The following COBLL1 variants were observed in gnomAD, a reference collection of about 807,000 sequenced individuals.
COBLL1 encodes cordon-bleu protein-like 1.
COBLL1 carries 50 observed loss-of-function variants against 94.8 expected under a neutral mutation model. That is an observed-to-expected ratio of 0.53 (90% CI 0.42 to 0.67). The LOEUF (loss-of-function observed/expected upper bound fraction) is 0.67. Ranked by LOEUF, COBLL1 falls within the 30% of genes least tolerant of loss-of-function variation. The pLI is 0.00. For missense variants in COBLL1, 1,362 were observed against 1,348.7 expected, an observed-to-expected ratio of 1.01 and a Z score of -0.15; for synonymous variants, 448 against 473.8, an observed-to-expected ratio of 0.95 and a Z score of 0.71.
chr2:164,670,418 AT>A (rs1691225588), intron 1 of COBLL1, among the ~76,000 whole-genome samples: 1 of 152,206 alleles, frequency 6.6e-6, no homozygotes, highest in South Asian at 2.1e-4. Context: ...TTTTCAATCT[AT>A]TCCAAATAAT....
intron 2 of COBLL1, among the ~76,000 whole-genome samples, chr2:164,818,530 T>C (rs549378109): frequency 4.2e-5 from 6 of 144,158 alleles, no homozygotes; most frequent in East Asian, 2.0e-4. Flanking sequence ...ATATACAATA[T>C]ACATATTTAC....
intron 3 of COBLL1, among the ~76,000 whole-genome samples, chr2:164,732,530 C>T (rs1328152443): frequency 6.6e-6 from 1 of 152,130 alleles, no homozygotes; most frequent in Non-Finnish European, 1.5e-5. Flanking sequence ...TAGTTATATA[C>T]TATTATAAAT....
At chr2:164,742,309 C>T (rs1558972234) in intron 3 of COBLL1, among the ~76,000 whole-genome samples, 1 of 151,746 alleles carries the variant, frequency 6.6e-6, no homozygotes, top group Non-Finnish European at 1.5e-5. Flanking sequence ...AAACCAACAT[C>T]ACCTGAAACC....
At chr2:164,785,867 T>G (rs1331796652) in intron 2 of COBLL1, among the ~76,000 whole-genome samples, 1 of 150,842 alleles carries the variant, frequency 6.6e-6, no homozygotes, top group Non-Finnish European at 1.5e-5. Context: ...AGCTGATGTC[T>G]CCTTTGATTC....
intron 2 of COBLL1, among the ~76,000 whole-genome samples, chr2:164,826,292 C>G (rs572214631): frequency 6.6e-6 from 1 of 152,276 alleles, no homozygotes; most frequent in Admixed American, 6.5e-5. Context: ...GTGCCAAGAA[C>G]AAGTTCCCTG....
intron 2 of COBLL1, among the ~76,000 whole-genome samples, chr2:164,768,782 C>T (rs10204250): frequency 0.28 from 43,147 of 151,994 alleles, 6,431 homozygotes; most frequent in East Asian, 0.4. Flanking sequence ...TGACAAACGA[C>T]ATTTCTAAAA....
chr2:164,838,284 CT>C (rs1166505451), intron 2 of COBLL1, among the ~76,000 whole-genome samples: 1 of 152,104 alleles, frequency 6.6e-6, no homozygotes, highest in East Asian at 1.9e-4. Flanking sequence ...CAAACTATCC[CT>C]TTTGATGTTA....
downstream of COBLL1, among the ~76,000 whole-genome samples, chr2:164,677,735 G>A (rs1429698549): frequency 8.5e-5 from 13 of 152,164 alleles, no homozygotes; most frequent in Admixed American, 8.5e-4. Flanking sequence ...CAGAATGCAA[G>A]GAAACCATTC....
intron 2 of COBLL1, among the ~76,000 whole-genome samples, chr2:164,790,960 T>C (rs1303971198): frequency 6.6e-6 from 1 of 152,226 alleles, no homozygotes; most frequent in Non-Finnish European, 1.5e-5. Flanking sequence ...CATATTATAA[T>C]GTGCTCTCCA....
chr2:164,800,227 G>A (rs183881486), intron 2 of COBLL1, among the ~76,000 whole-genome samples: 132 of 152,286 alleles, frequency 8.7e-4, no homozygotes, highest in Non-Finnish European at 1.5e-3. Context: ...AGAATATTCT[G>A]CAGTAAGAAA....
chr2:164,794,843 T>C (rs1324138272), intron 2 of COBLL1, among the ~76,000 whole-genome samples: 1 of 152,162 alleles, frequency 6.6e-6, no homozygotes, highest in Non-Finnish European at 1.5e-5. Flanking sequence ...ACCATTTACA[T>C]GTAAGAGCAA....
At chr2:164,824,952 T>C (rs1490798940) in intron 2 of COBLL1, among the ~76,000 whole-genome samples, 2 of 152,194 alleles carry the variant, frequency 1.3e-5, no homozygotes, top group African/African-American at 4.8e-5. Context: ...GTCAAGCAAA[T>C]AGATTCCAAA....
chr2:164,731,204 T>C lies in COBLL1; in HGVS notation c.231-1089A>G, dbSNP rs147935713. 2.0e-3 allele frequency among the ~76,000 whole-genome samples: 298 copies of C among 152,352 alleles called. 2 individuals are homozygous for C. The highest frequency in any genetic ancestry group is 6.9e-3 in the African/African-American group (285 of 41,588). ...TATAGGCATAGCCCACAAAGCCTAC[T>C]ATTTTTATTTCCTGGCCCATGATAG... On this transcript the variant is annotated intron_variant, in intron 3 of 13. Transcript: ENST00000652658.
chr2:164,723,728 T>C (rs1011429208), intron 5 of COBLL1: 2 of 152,216 alleles, frequency 1.3e-5, no homozygotes, highest in East Asian at 3.8e-4. Flanking sequence ...TCCATTATTT[T>C]AAAAACTGAT....
intron 3 of COBLL1, among the ~76,000 whole-genome samples, chr2:164,734,867 T>G (rs1016569830): frequency 4.6e-5 from 7 of 151,740 alleles, no homozygotes; most frequent in African/African-American, 1.5e-4. Flanking sequence ...CCTTGGGAGG[T>G]GTCAAATAAA....
intron 2 of COBLL1, among the ~76,000 whole-genome samples, chr2:164,825,346 G>A (rs1375113749): frequency 6.6e-6 from 1 of 152,080 alleles, no homozygotes; most frequent in Non-Finnish European, 1.5e-5. Flanking sequence ...AAATTTACCA[G>A]GAGCACCCTG....
At position 164,686,014 on chromosome 2, in the gene COBLL1, T is replaced by C. The variant is rs1297887444; in HGVS notation, c.3319A>G (p.Thr1107Ala). 2 of 1,598,906 alleles carry C rather than the reference T, an allele frequency of 1.3e-6. No homozygotes were observed. The highest frequency in any genetic ancestry group is 1.1e-5 in the South Asian group (1 of 90,080). ...CTTGACCTTCCATTCACAGATATTG[T>C]ATTTGATGGAATGGTAACCTAAGAG... is the stretch of plus-strand genomic sequence containing the variant. ...KLKRVTIPSN[T>A]ISVNGRSRLS... The change falls in exon 14 of 14, where the codon ACA (threonine) becomes GCA (alanine). Residue 1107 changes from threonine to alanine, a missense_variant. Coordinates refer to ENST00000652658, the MANE Select transcript of COBLL1 (RefSeq NM_001365672.2).
Position 164,694,770 on chromosome 2 carries a change from T to C in COBLL1, c.2622A>G (p.Arg874=). The C allele has an allele frequency of 2.5e-6, 4 of 1,613,748 alleles. No individual in the cohort carries two copies. The highest frequency in any genetic ancestry group is 3.4e-6 in the Non-Finnish European group (4 of 1,179,936). The change falls in exon 12 of 14, where the codon AGA becomes AGG. Residue 874 remains arginine (R), a synonymous_variant. Transcript: ENST00000652658. ...CAGATGTCACATAGTGACCCGATACTCTCTTCTGCATCTGCAAAAAAAAAG... is the reference window on the plus strand; with the variant it reads ...CAGATGTCACATAGTGACCCGATACCCTCTTCTGCATCTGCAAAAAAAAAG... ...PSSFFLQMQK[R]VSGHYVTSAA...
intron 9 of COBLL1, among the ~76,000 whole-genome samples, chr2:164,702,450 G>A (rs894036879): frequency 1.3e-5 from 2 of 150,160 alleles, no homozygotes; most frequent in Non-Finnish European, 3.0e-5. Flanking sequence ...TGTAGTCCCA[G>A]CTACTCAGCA....
Sources: allele counts gnomAD v4.1 joint callset (sites outside exome capture counted in the v4.1 genomes callset), GRCh38; gene constraint gnomAD v4.1.1; transcripts MANE v1.5; gene names NCBI Gene and HGNC (gene_info 2026-07-23, HGNC 2026-07-21).